The following PPP3CA variants were observed in gnomAD, a reference collection of about 807,000 sequenced individuals.
PPP3CA encodes CAM-PRP catalytic subunit.
In PPP3CA, 14 loss-of-function variants were observed where a neutral mutation model predicts 66.5. The ratio of observed to expected loss-of-function variants is 0.21; its 90% CI spans 0.14 to 0.33. The LOEUF (loss-of-function observed/expected upper bound fraction) is 0.33, where lower values mean the gene tolerates loss of function less well. Among genes scored for constraint, PPP3CA ranks in the 10% least tolerant of loss-of-function variants. PPP3CA has a pLI of 1.00. For synonymous variants in PPP3CA, 232 were observed against 226.2 expected (o/e 1.03, Z -0.23); for missense variants, 317 against 639.5 (o/e 0.50, Z 5.44).
chr4:101,046,629 A>T (rs1319550466), intron 10 of PPP3CA, among the ~76,000 whole-genome samples: 6 of 151,916 alleles, frequency 3.9e-5, no homozygotes, highest in Non-Finnish European at 8.8e-5. Context: ...TTCTGAGAAA[A>T]TTTTTTTTAC....
At chr4:101,035,864 A>G (rs1727219690) in intron 11 of PPP3CA, among the ~76,000 whole-genome samples, 1 of 152,184 alleles carries the variant, frequency 6.6e-6, no homozygotes, top group Non-Finnish European at 1.5e-5. Context: ...TCCGTCCTGA[A>G]AGACTCTTTG....
At chr4:101,241,395 A>G (rs1313971980) in intron 1 of PPP3CA, among the ~76,000 whole-genome samples, 1 of 152,208 alleles carries the variant, frequency 6.6e-6, no homozygotes, top group Non-Finnish European at 1.5e-5. Context: ...GATAACACAA[A>G]TTACAGGTGA....
At chr4:101,267,135 GAGT>G (rs2110261964) in intron 1 of PPP3CA, among the ~76,000 whole-genome samples, 1 of 152,302 alleles carries the variant, frequency 6.6e-6, no homozygotes, top group South Asian at 2.1e-4. Flanking sequence ...ACCTCAAACT[GAGT>G]AGGAGGACTC....
chr4:101,194,606 A>G (rs2850990), intron 2 of PPP3CA, among the ~76,000 whole-genome samples: 37,449 of 151,804 alleles, frequency 0.25, 7,195 homozygotes, highest in African/African-American at 0.52. Context: ...TCACTCTGTC[A>G]CCCAGGCTGG....
At chr4:101,116,976 A>G (rs963972098) in intron 2 of PPP3CA, among the ~76,000 whole-genome samples, 1 of 151,696 alleles carries the variant, frequency 6.6e-6, no homozygotes, top group Non-Finnish European at 1.5e-5. Context: ...ATAAAAAATT[A>G]TATATATATG....
chr4:101,285,389 A>G (rs1217960300), intron 1 of PPP3CA, among the ~76,000 whole-genome samples: 1 of 151,648 alleles, frequency 6.6e-6, no homozygotes, highest in Admixed American at 6.6e-5. Context: ...ATCTAATATC[A>G]CTAATCTGTA....
intron 2 of PPP3CA, among the ~76,000 whole-genome samples, chr4:101,168,006 G>A (rs1414296713): frequency 6.6e-6 from 1 of 152,208 alleles, no homozygotes; most frequent in Non-Finnish European, 1.5e-5. Context: ...CAGAAGGGCT[G>A]TATGGTGGTA....
rs1728760313 is a variant in PPP3CA, at chr4:101,312,483, A to C, written c.58+34256T>G. 2.6e-5 allele frequency among the ~76,000 whole-genome samples: 4 copies of C among 152,120 alleles called. No homozygotes were observed. The South Asian group carries it at 8.3e-4, about 32-fold the overall frequency. On this transcript the variant is annotated intron_variant, in intron 1 of 13. Transcript: ENST00000394854. ...GAGTTTTTACCTAAGAATAAAAAGCAAATAAATAAAAATAAATAAAATACC... is the reference window on the plus strand; with the variant it reads ...GAGTTTTTACCTAAGAATAAAAAGCCAATAAATAAAAATAAATAAAATACC...
At chr4:101,277,494 T>C (rs566332227) in intron 1 of PPP3CA, among the ~76,000 whole-genome samples, 1 of 152,336 alleles carries the variant, frequency 6.6e-6, no homozygotes, top group South Asian at 2.1e-4. Context: ...TGCTCTTCTA[T>C]TTGCATTTAC....
intron 1 of PPP3CA, among the ~76,000 whole-genome samples, chr4:101,346,451 A>C (rs1729997747): frequency 6.7e-6 from 1 of 148,802 alleles, no homozygotes; most frequent in Non-Finnish European, 1.5e-5. Context: ...GCCCCCTCCC[A>C]CCACCGCCAC....
chr4:101,106,453 GAGAAAAGAAAAGAAAAGAAAAGAAAA>G (rs1730730104), intron 3 of PPP3CA, among the ~76,000 whole-genome samples: 1 of 35,512 alleles, frequency 2.8e-5, no homozygotes, highest in African/African-American at 1.4e-4. Flanking sequence ...AAGAAAGAAA[GAGAAAAGAAAAGAAAAGAAAAGAAAA>G]GAAAAGAAAA....
At chr4:101,170,085 C>G (rs1400480549) in intron 2 of PPP3CA, among the ~76,000 whole-genome samples, 5 of 152,036 alleles carry the variant, frequency 3.3e-5, no homozygotes, top group African/African-American at 1.2e-4. Flanking sequence ...TAAACGTGGT[C>G]CAATTAACAG....
chr4:101,307,682 G>A (rs1578651501), intron 1 of PPP3CA, among the ~76,000 whole-genome samples: 1 of 152,286 alleles, frequency 6.6e-6, no homozygotes, highest in East Asian at 1.9e-4. Context: ...AAATTTTCTT[G>A]GATGTTTCTA....
intron 1 of PPP3CA, among the ~76,000 whole-genome samples, chr4:101,201,751 C>T (rs915709998): frequency 3.3e-5 from 5 of 152,256 alleles, no homozygotes; most frequent in Non-Finnish European, 5.9e-5. Flanking sequence ...AAGCATATCA[C>T]ATGTCAGACA....
At chr4:101,273,119 A>G (rs1160216703) in intron 1 of PPP3CA, among the ~76,000 whole-genome samples, 1 of 80,062 alleles carries the variant, frequency 1.2e-5, no homozygotes, top group East Asian at 3.1e-4. Flanking sequence ...TCATGACTTG[A>G]TAGATGTAAG....
chr4:101,249,920 A>G (rs957365652), intron 1 of PPP3CA, among the ~76,000 whole-genome samples: 3 of 152,090 alleles, frequency 2.0e-5, no homozygotes, highest in African/African-American at 7.2e-5. Flanking sequence ...TTTCTAGTGA[A>G]TTTTTCCCAA....
chr4:101,279,253 A>G (rs1319105476), intron 1 of PPP3CA, among the ~76,000 whole-genome samples: 1 of 152,232 alleles, frequency 6.6e-6, no homozygotes, highest in Admixed American at 6.5e-5. Context: ...GTGTGATCCA[A>G]GAGCAGCAAA....
chr4:101,215,063 C>T (rs1217551803), intron 1 of PPP3CA, among the ~76,000 whole-genome samples: 3 of 152,016 alleles, frequency 2.0e-5, no homozygotes, highest in Non-Finnish European at 4.4e-5. Flanking sequence ...ACTCTCATGT[C>T]CTTTCCTGAG....
intron 1 of PPP3CA, among the ~76,000 whole-genome samples, chr4:101,295,307 C>CAAAAA (rs527366396): frequency 3.6e-3 from 150 of 41,588 alleles, no homozygotes; most frequent in Middle Eastern, 0.01. Context: ...GACTCCGTCT[C>CAAAAA]AAAAAAAAAA....
Sources: allele counts gnomAD v4.1 joint callset (sites outside exome capture counted in the v4.1 genomes callset), GRCh38; gene constraint gnomAD v4.1.1; transcripts MANE v1.5; gene names NCBI Gene and HGNC (gene_info 2026-07-23, HGNC 2026-07-21).